The following RBFOX1 variants were observed in gnomAD, a reference collection of about 807,000 sequenced individuals.
The protein encoded by RBFOX1 is RNA binding fox-1 homolog 1.
In RBFOX1, 8 loss-of-function variants were observed where a neutral mutation model predicts 57.7. The observed-to-expected ratio is 0.14, with a 90% CI of 0.08 to 0.25. RBFOX1 has a LOEUF of 0.25. RBFOX1 is among the 10% of genes least tolerant of loss of function. The pLI is 1.00. For synonymous variants in RBFOX1, 326 were observed against 222.4 expected (o/e 1.47, Z -4.15); for missense variants, 611 against 548.5 (o/e 1.11, Z -1.14).
chr16:7,515,965 CT>C (rs2076266527), intron 4 of RBFOX1, among the ~76,000 whole-genome samples: 1 of 152,120 alleles, frequency 6.6e-6, no homozygotes, highest in African/African-American at 2.4e-5. Flanking sequence ...CTGCCTCAGT[CT>C]CCGGAGTAGC....
At chr16:6,275,310 CAA>C (rs35445600) in intron 1 of RBFOX1, among the ~76,000 whole-genome samples, 20 of 147,828 alleles carry the variant, frequency 1.4e-4, no homozygotes, top group Admixed American at 6.7e-5. Flanking sequence ...GACTCCATCT[CAA>C]AAAAAAAAAG....
At chr16:6,563,751 G>A (rs1282743308) in intron 2 of RBFOX1, among the ~76,000 whole-genome samples, 2 of 152,090 alleles carry the variant, frequency 1.3e-5, no homozygotes, top group East Asian at 3.9e-4. Flanking sequence ...AGTAGGGCTT[G>A]GGAGGTGGAG....
At chr16:7,226,737 C>T (rs963316752) in intron 4 of RBFOX1, among the ~76,000 whole-genome samples, 1 of 152,176 alleles carries the variant, frequency 6.6e-6, no homozygotes, top group Admixed American at 6.5e-5. Flanking sequence ...CACAGTTAAT[C>T]AAGAGGACTG....
chr16:6,749,037 A>T (rs1391298810), intron 3 of RBFOX1: 1 of 152,184 alleles, frequency 6.6e-6, no homozygotes, highest in Non-Finnish European at 1.5e-5. Context: ...AAATGACAGG[A>T]GGAGCCAATC....
intron 1 of RBFOX1, among the ~76,000 whole-genome samples, chr16:6,270,496 A>G (rs1221614970): frequency 6.6e-6 from 1 of 151,786 alleles, no homozygotes; most frequent in East Asian, 1.9e-4. Flanking sequence ...TAGAGACGAT[A>G]TGTAATGATA....
chr16:6,442,326 G>C (rs946392462), intron 2 of RBFOX1, among the ~76,000 whole-genome samples: 3 of 152,180 alleles, frequency 2.0e-5, no homozygotes, highest in Admixed American at 6.5e-5. Context: ...GGGAGGCCAA[G>C]GTGGGTGGAT....
chr16:7,390,062 C>G (rs1277018043), intron 4 of RBFOX1, among the ~76,000 whole-genome samples: 9 of 152,098 alleles, frequency 5.9e-5, no homozygotes, highest in East Asian at 1.9e-4. Flanking sequence ...CAAGCACATC[C>G]TCACATGGCC....
chr16:7,610,062 C>G (rs1192877390), intron 10 of RBFOX1, among the ~76,000 whole-genome samples: 3 of 149,198 alleles, frequency 2.0e-5, no homozygotes, highest in African/African-American at 7.5e-5. Flanking sequence ...ATGATCCGCC[C>G]TCCTCGGCCT....
intron 2 of RBFOX1, among the ~76,000 whole-genome samples, chr16:6,386,689 A>G (rs527426130): frequency 6.6e-6 from 1 of 152,374 alleles, no homozygotes; most frequent in Admixed American, 6.5e-5. Context: ...AGTGTCTGAC[A>G]CATAGTAGGA....
chr16:7,367,885 TAC>T (rs34277471), intron 4 of RBFOX1, among the ~76,000 whole-genome samples: 4,975 of 148,328 alleles, frequency 0.034, 149 homozygotes, highest in African/African-American at 0.085. Context: ...CATGCGTGCA[TAC>T]ACACACACAC....
At chr16:6,788,358 A>T (rs559262916) in intron 3 of RBFOX1, among the ~76,000 whole-genome samples, 82 of 152,278 alleles carry the variant, frequency 5.4e-4, no homozygotes, top group African/African-American at 1.9e-3. Context: ...CTGGTGAGGC[A>T]TGTAACTACC....
chr16:7,398,408 A>G (rs917827952), intron 4 of RBFOX1, among the ~76,000 whole-genome samples: 6 of 152,236 alleles, frequency 3.9e-5, no homozygotes, highest in Non-Finnish European at 7.3e-5. Context: ...AGATTTTGTT[A>G]ATGTCTACAG....
chr16:6,238,711 C>T (rs550182684), intron 1 of RBFOX1, among the ~76,000 whole-genome samples: 1 of 152,252 alleles, frequency 6.6e-6, no homozygotes, highest in South Asian at 2.1e-4. Flanking sequence ...TTATTGTTTG[C>T]AATGTCTTGC....
intron 3 of RBFOX1, among the ~76,000 whole-genome samples, chr16:6,974,573 G>C (rs958002008): frequency 6.6e-6 from 1 of 151,958 alleles, no homozygotes; most frequent in African/African-American, 2.4e-5. Flanking sequence ...TTGATCTCCT[G>C]ACCTCAGGTG....
chr16:6,916,461 T>A (rs973695777), intron 3 of RBFOX1, among the ~76,000 whole-genome samples: 2 of 152,144 alleles, frequency 1.3e-5, no homozygotes, highest in African/African-American at 4.8e-5. Context: ...ACACCTTTGG[T>A]TAACGAAATA....
intron 1 of RBFOX1, among the ~76,000 whole-genome samples, chr16:6,281,017 A>T: frequency 6.6e-6 from 1 of 151,524 alleles, no homozygotes; most frequent in East Asian, 2.0e-4. Flanking sequence ...ATATATATGT[A>T]TTACATATGT....
intron 3 of RBFOX1, among the ~76,000 whole-genome samples, chr16:6,708,510 C>T (rs1013511023): frequency 2.6e-5 from 4 of 152,178 alleles, no homozygotes; most frequent in Non-Finnish European, 2.9e-5. Context: ...TCACGTTCCT[C>T]TTGCTCTTGT....
At chr16:5,722,942 G>A (rs2051991213) in intron 3 of RBFOX1, among the ~76,000 whole-genome samples, 1 of 152,094 alleles carries the variant, frequency 6.6e-6, no homozygotes, top group South Asian at 2.1e-4. Flanking sequence ...TCGGTTTGGT[G>A]TTTCCTTCCT....
chr16:7,400,873 T>C (rs1470447495), intron 4 of RBFOX1, among the ~76,000 whole-genome samples: 2 of 152,212 alleles, frequency 1.3e-5, no homozygotes, highest in African/African-American at 4.8e-5. Flanking sequence ...TCTTCTGCCA[T>C]AGCAGAAAAC....
Sources: gnomAD v4.1 joint callset for allele counts (sites outside exome capture counted in the v4.1 genomes callset) on GRCh38, gnomAD v4.1.1 for gene constraint, MANE v1.5 for transcripts, NCBI Gene and HGNC (gene_info 2026-07-23, HGNC 2026-07-21) for gene names.